RUNX1: variants seen among roughly 807,000 people sequenced by gnomAD.
RUNX1 encodes the protein runt-related transcription factor 1.
RUNX1 carries 19 observed loss-of-function variants against 42.8 expected under a neutral mutation model. That is an observed-to-expected ratio of 0.44 (90% CI 0.31 to 0.65). The LOEUF (loss-of-function observed/expected upper bound fraction) is 0.65, where lower values mean the gene tolerates loss of function less well. Among genes scored for constraint, RUNX1 ranks in the 30% least tolerant of loss-of-function variants. The pLI, the probability that RUNX1 is intolerant of heterozygous loss-of-function variation, is 0.07. For missense variants in RUNX1, 528 were observed against 672.0 expected (o/e 0.79, Z 2.37); for synonymous variants, 271 against 289.4 (o/e 0.94, Z 0.64).
chr21:35,016,613 G>A (rs532105972), intron 2 of RUNX1, among the ~76,000 whole-genome samples: 13 of 152,206 alleles, frequency 8.5e-5, no homozygotes, highest in African/African-American at 3.1e-4. Flanking sequence ...TCCTTCTTCT[G>A]CCTGAGGGGA....
rs114885003 is a variant in RUNX1, at chr21:34,852,778, T to C, written c.613+6696A>G. On this transcript the variant is annotated intron_variant, in intron 6 of 8. Coordinates refer to ENST00000675419, the MANE Select transcript of RUNX1 (RefSeq NM_001754.5). ...GATCAGGATTGCATCTAGAAAGAACTAAAGTCCAAGTCCAAATCTGATGAA... is the reference window on the plus strand; with the variant it reads ...GATCAGGATTGCATCTAGAAAGAACCAAAGTCCAAGTCCAAATCTGATGAA... Among the ~76,000 whole-genome samples, 168 of 152,000 alleles carry C rather than the reference T, an allele frequency of 1.1e-3. 2 individuals are homozygous for C. The highest frequency in any genetic ancestry group is 3.9e-3 in the African/African-American group (161 of 41,432).
intron 2 of RUNX1, among the ~76,000 whole-genome samples, chr21:34,979,273 T>C (rs1254675821): frequency 6.6e-6 from 1 of 152,246 alleles, no homozygotes; most frequent in African/African-American, 2.4e-5. Flanking sequence ...CCTCAAGCGT[T>C]ATATGCTATA....
intron 5 of RUNX1, among the ~76,000 whole-genome samples, chr21:34,865,984 T>C (rs1461760328): frequency 6.6e-6 from 1 of 152,212 alleles, no homozygotes; most frequent in African/African-American, 2.4e-5. Context: ...CCGACTCCTG[T>C]TGTGACTCGG....
At chr21:34,977,692 C>T (rs1211046209) in intron 2 of RUNX1, among the ~76,000 whole-genome samples, 1 of 152,168 alleles carries the variant, frequency 6.6e-6, no homozygotes, top group Non-Finnish European at 1.5e-5. Flanking sequence ...TTAGAAGTTA[C>T]TTCTACAAAG....
At chr21:34,872,453 G>A (rs973408909) in intron 5 of RUNX1, among the ~76,000 whole-genome samples, 4 of 152,160 alleles carry the variant, frequency 2.6e-5, no homozygotes, top group African/African-American at 7.2e-5. Context: ...CCAGGGGGAT[G>A]GTGCAATTCT....
At chr21:34,956,581 T>C (rs1472930648) in intron 2 of RUNX1, among the ~76,000 whole-genome samples, 2 of 152,186 alleles carry the variant, frequency 1.3e-5, no homozygotes, top group East Asian at 3.8e-4. Flanking sequence ...CAGTCTTGTT[T>C]GTCACCAAAT....
At chr21:34,995,435 CTTTTTTTTTTTTTT>C (rs5843694) in intron 2 of RUNX1, among the ~76,000 whole-genome samples, 1 of 82,074 alleles carries the variant, frequency 1.2e-5, no homozygotes, top group Non-Finnish European at 2.2e-5. Flanking sequence ...TTTCTGGGAG[CTTTTTTTTTTTTTT>C]TTTTTTTTTG....
intron 6 of RUNX1, among the ~76,000 whole-genome samples, chr21:34,842,432 C>G (rs1026540874): frequency 8.2e-6 from 1 of 121,272 alleles, no homozygotes; most frequent in African/African-American, 3.2e-5. Context: ...GAGGTAGAGG[C>G]TGTAGTAAGC....
At chr21:34,874,313 T>A (rs28623037) in intron 5 of RUNX1, among the ~76,000 whole-genome samples, 33,899 of 151,650 alleles carry the variant, frequency 0.22, 3,913 homozygotes, top group African/African-American at 0.25. Flanking sequence ...GAAAACAGCC[T>A]TAAGACAGTA....
intron 2 of RUNX1, among the ~76,000 whole-genome samples, chr21:35,041,443 C>T (rs539243558): frequency 6.6e-6 from 1 of 152,082 alleles, no homozygotes; most frequent in African/African-American, 2.4e-5. Flanking sequence ...TCTTGGGGAA[C>T]TCATTGTTTA....
At chr21:34,822,456 G>A (rs1285319570) in intron 7 of RUNX1, among the ~76,000 whole-genome samples, 2 of 152,194 alleles carry the variant, frequency 1.3e-5, no homozygotes, top group African/African-American at 4.8e-5. Context: ...GATAACCCAG[G>A]TATAGACACA....
At chr21:34,918,581 G>A (rs2058329915) in intron 2 of RUNX1, among the ~76,000 whole-genome samples, 1 of 152,170 alleles carries the variant, frequency 6.6e-6, no homozygotes, top group African/African-American at 2.4e-5. Flanking sequence ...GGCCTATACT[G>A]TAAATCTTTC....
chr21:34,955,901 A>T (rs1272919810), intron 2 of RUNX1, among the ~76,000 whole-genome samples: 3 of 152,200 alleles, frequency 2.0e-5, no homozygotes, highest in Non-Finnish European at 4.4e-5. Flanking sequence ...CAAGAAGTCA[A>T]CTGCACTTCA....
At chr21:34,841,201 G>A (rs1601428683) in intron 6 of RUNX1, among the ~76,000 whole-genome samples, 1 of 152,136 alleles carries the variant, frequency 6.6e-6, no homozygotes, top group Non-Finnish European at 1.5e-5. Context: ...CACACTCCCT[G>A]TGCAGGCCCC....
At chr21:34,868,423 C>A (rs1167524370) in intron 5 of RUNX1, among the ~76,000 whole-genome samples, 1 of 152,112 alleles carries the variant, frequency 6.6e-6, no homozygotes, top group African/African-American at 2.4e-5. Flanking sequence ...GACCAAATTC[C>A]CAACGTGGAT....
chr21:34,799,597 G>A, intron 7 of RUNX1, 135 bp from the exon 8 acceptor site: 1 of 712,528 alleles, frequency 1.4e-6, no homozygotes, highest in Non-Finnish European at 2.4e-6. Flanking sequence ...GGTTTAATAA[G>A]CCTACTCAAG....
At chr21:34,799,677 A>T (rs1209068193) in intron 7 of RUNX1, among the ~76,000 whole-genome samples, 1 of 152,164 alleles carries the variant, frequency 6.6e-6, no homozygotes, top group African/African-American at 2.4e-5. Flanking sequence ...TTCACCTGAT[A>T]ACTATTCCTT....
At chr21:34,968,982 C>T (rs1453660676) in intron 2 of RUNX1, among the ~76,000 whole-genome samples, 1 of 152,096 alleles carries the variant, frequency 6.6e-6, no homozygotes, top group East Asian at 1.9e-4. Flanking sequence ...AAGAGTTCTG[C>T]CTCCCCATTT....
intron 2 of RUNX1, among the ~76,000 whole-genome samples, chr21:35,018,445 A>G (rs2059175193): frequency 6.6e-6 from 1 of 152,196 alleles, no homozygotes; most frequent in South Asian, 2.1e-4. Context: ...CCAGACTTCC[A>G]GTCTCCAGAA....
Sources: allele counts gnomAD v4.1 joint callset (sites outside exome capture counted in the v4.1 genomes callset), GRCh38; gene constraint gnomAD v4.1.1; transcripts MANE v1.5; gene names NCBI Gene and HGNC (gene_info 2026-07-23, HGNC 2026-07-21).